The following CLEC4A variants were observed in gnomAD, a reference collection of about 807,000 sequenced individuals.
CLEC4A encodes the protein C-type lectin domain family 4 member A.
Under a neutral mutation model 32.7 loss-of-function variants are expected in CLEC4A, and 27 were observed. The ratio of observed to expected loss-of-function variants is 0.83; its 90% CI spans 0.61 to 1.14. The LOEUF (loss-of-function observed/expected upper bound fraction) is 1.14. Among genes scored for constraint, CLEC4A ranks in the 50% most tolerant of loss-of-function variants. The pLI is 0.00. For missense variants in CLEC4A, 253 were observed against 274.6 expected (o/e 0.92, Z 0.55); for synonymous variants, 89 against 93.7 (o/e 0.95, Z 0.29).
chr12:8,129,809 AAAAC>A (rs1565404363), intron 3 of CLEC4A, among the ~76,000 whole-genome samples: 1 of 152,146 alleles, frequency 6.6e-6, no homozygotes, highest in African/African-American at 2.4e-5. Context: ...AAAAGACAAA[AAAAC>A]AAATATATAG....
rs749124196 is a variant in CLEC4A at position 8,134,812 on chromosome 12, G to A, written c.299-773G>A. ...GGCCCATCACCTCCACCGCCTGGAG[G>A]GGGTGAGAAGGCGAAATCCGAAGCC... On this transcript the variant is annotated intron_variant, in intron 3 of 5. Coordinates refer to ENST00000229332, the MANE Select transcript of CLEC4A (RefSeq NM_016184.4). 32 of 1,551,034 alleles carry A rather than the reference G, an allele frequency of 2.1e-5. No individual in the cohort carries two copies. In the Middle Eastern group the frequency reaches 5.6e-4, roughly 27 times the overall value.
upstream of CLEC4A, among the ~76,000 whole-genome samples, chr12:8,123,460 T>A (rs1947851207): frequency 6.6e-6 from 1 of 152,240 alleles, no homozygotes; most frequent in African/African-American, 2.4e-5. Context: ...GGATGTTTGG[T>A]CAAAAGTAAT....
intron 3 of CLEC4A, among the ~76,000 whole-genome samples, chr12:8,132,120 G>C (rs964844915): frequency 2.0e-5 from 3 of 152,234 alleles, no homozygotes; most frequent in Non-Finnish European, 4.4e-5. Flanking sequence ...TCCAGCTTTG[G>C]ACATTGGGAA....
the CLEC4A span, among the ~76,000 whole-genome samples, chr12:8,103,934 A>G: frequency 1.3e-5 from 2 of 152,180 alleles, no homozygotes; most frequent in Admixed American, 6.5e-5. Flanking sequence ...AGCTCTTTGA[A>G]TATAAAGACC....
At chr12:8,122,240 G>A (rs1252645203), upstream of CLEC4A, among the ~76,000 whole-genome samples, 3 of 151,616 alleles carry the variant, frequency 2.0e-5, no homozygotes, top group African/African-American at 7.3e-5. Context: ...CATGTGGTAG[G>A]ATAGCCCGGT....
In CLEC4A at chr12:8,123,873, C is replaced by T. The variant is rs1373857014; in HGVS notation, c.-6C>T. On this transcript the variant is annotated 5_prime_UTR_variant, in exon 1 of 6. Coordinates refer to ENST00000229332, the MANE Select transcript of CLEC4A (RefSeq NM_016184.4). ...TTCTGAAGAAAGCAGAAGCTCTCTTCCCATTATGACTTCGGAAATCACTTA... is the reference window on the plus strand; with the variant it reads ...TTCTGAAGAAAGCAGAAGCTCTCTTTCCATTATGACTTCGGAAATCACTTA... The T allele has an allele frequency of 2.5e-6, 4 of 1,600,946 alleles. No individual in the cohort carries two copies. Among genetic ancestry groups the T allele is most frequent in the South Asian group, 2.2e-5 (2 of 90,832 alleles).
chr12:8,134,197 C>T lies in CLEC4A; in HGVS notation c.299-1388C>T, dbSNP rs193186392. 328 of 1,610,930 alleles carry T rather than the reference C, an allele frequency of 2.0e-4. 2 individuals carry two copies. The African/African-American group carries it at 4.1e-3, about 20-fold the overall frequency. ...GCACGAGGGTTTCTGCTTTGCATAT[C>T]TCCTGAAGATTTTCATTGTTGTCAG... On this transcript the variant is annotated intron_variant, in intron 3 of 5. Coordinates refer to ENST00000229332, the MANE Select transcript of CLEC4A (RefSeq NM_016184.4).
At chr12:8,116,213 C>T in the CLEC4A span, among the ~76,000 whole-genome samples, 77,880 of 151,976 alleles carry the variant, frequency 0.51, 23,223 homozygotes, top group Non-Finnish European at 0.68. Flanking sequence ...CCACCTGTCT[C>T]GGCCTCCCAG....
intron 2 of CLEC4A, among the ~76,000 whole-genome samples, chr12:8,127,378 G>T (rs755696256): frequency 2.0e-5 from 3 of 152,228 alleles, no homozygotes; most frequent in African/African-American, 7.2e-5. Flanking sequence ...TTGGCCAAAA[G>T]AAGTCTTACA....
chr12:8,133,731 T>A lies in CLEC4A; in HGVS notation c.299-1854T>A. The A allele has an allele frequency of 3.2e-6, 5 of 1,585,424 alleles. No homozygotes were observed. In the South Asian group the frequency reaches 3.4e-5, roughly 11 times the overall value. On this transcript the variant is annotated intron_variant, in intron 3 of 5. Transcript: ENST00000229332. Reference sequence around the variant, plus strand: ...CTCCAGGTGCTCTTTCCCTAGCTCCTCCCCTCCCCCTGTCCCCCATTCCTA... The same window carrying A: ...CTCCAGGTGCTCTTTCCCTAGCTCCACCCCTCCCCCTGTCCCCCATTCCTA...
At chr12:8,133,178 G>A (rs374030209) in intron 3 of CLEC4A, among the ~76,000 whole-genome samples, 3 of 152,158 alleles carry the variant, frequency 2.0e-5, no homozygotes, top group African/African-American at 7.2e-5. Flanking sequence ...GCCTCCCAAA[G>A]TGCAGGGATT....
At chr12:8,125,748 C>G (rs1249995902) in intron 2 of CLEC4A, 71 bp downstream of exon 2, 1 of 893,770 alleles carries the variant, frequency 1.1e-6, no homozygotes, top group Non-Finnish European at 1.8e-6. Context: ...TAAAAACTGA[C>G]TTTTGAAAAT....
chr12:8,118,152 C>T, the CLEC4A span, among the ~76,000 whole-genome samples: 1 of 152,138 alleles, frequency 6.6e-6, no homozygotes, highest in Non-Finnish European at 1.5e-5. Flanking sequence ...AATGAATCTA[C>T]ATTTTACATG....
the CLEC4A span, among the ~76,000 whole-genome samples, chr12:8,116,781 C>T: frequency 1.3e-3 from 192 of 152,190 alleles, no homozygotes; most frequent in African/African-American, 4.4e-3. Flanking sequence ...GGGAAATAAC[C>T]GGAGGGTGAC....
intron 1 of CLEC4A, 117 bp from the exon 2 acceptor site, chr12:8,125,444 T>A: frequency 1.6e-6 from 1 of 634,592 alleles, no homozygotes; most frequent in Middle Eastern, 2.5e-4. Context: ...TGATTTCAAA[T>A]GTCATACCGT....
chr12:8,105,645 C>T, the CLEC4A span, among the ~76,000 whole-genome samples: 12 of 152,024 alleles, frequency 7.9e-5, no homozygotes, highest in East Asian at 5.8e-4. Flanking sequence ...CCACCGTGCC[C>T]GGCTGATGTT....
chr12:8,133,695 C>T, intron 3 of CLEC4A: 2 of 1,564,734 alleles, frequency 1.3e-6, no homozygotes, highest in Admixed American at 1.9e-5. Context: ...TCCCAAAAGC[C>T]CTGGCACAAA....
chr12:8,130,122 C>T (rs1427443613), intron 3 of CLEC4A, among the ~76,000 whole-genome samples: 2 of 152,176 alleles, frequency 1.3e-5, no homozygotes, highest in Non-Finnish European at 2.9e-5. Context: ...AGGCGTGAGC[C>T]ACGGTGCCTG....
chr12:8,107,987 A>G, the CLEC4A span, among the ~76,000 whole-genome samples: 3 of 152,068 alleles, frequency 2.0e-5, no homozygotes, highest in Non-Finnish European at 4.4e-5. Context: ...TAGGTTGTTA[A>G]TTTGAGATCT....
Sources: gnomAD v4.1 joint callset for allele counts (sites outside exome capture counted in the v4.1 genomes callset) on GRCh38, gnomAD v4.1.1 for gene constraint, MANE v1.5 for transcripts, NCBI Gene and HGNC (gene_info 2026-07-23, HGNC 2026-07-21) for gene names.